The following TSC22D3 variants were observed in gnomAD, a reference collection of about 807,000 sequenced individuals.
The protein encoded by TSC22D3 is TSC22 domain family member 3.
In TSC22D3, 4 loss-of-function variants were observed where a neutral mutation model predicts 11.1. That is an observed-to-expected ratio of 0.36 (90% CI 0.18 to 0.83). The LOEUF (loss-of-function observed/expected upper bound fraction) is 0.83, where lower values mean the gene tolerates loss of function less well. TSC22D3 is among the 40% of genes least tolerant of loss of function. The pLI, the probability that TSC22D3 is intolerant of heterozygous loss-of-function variation, is 0.48. For missense variants in TSC22D3, 118 were observed against 159.4 expected (o/e 0.74, Z 1.40); for synonymous variants, 77 against 70.3 (o/e 1.10, Z -0.48).
intron 1 of TSC22D3, 139 bp from the exon 2 acceptor site, chrX:107,716,089 A>G (rs911005015): frequency 2.7e-6 from 2 of 742,775 alleles, no homozygotes; most frequent in South Asian, 5.3e-5. Context: ...AGAGTTCCGG[A>G]CAGTTTGTCC....
intron 1 of TSC22D3, among the ~76,000 whole-genome samples, chrX:107,743,021 C>T (rs190352228): frequency 8.9e-6 from 1 of 111,740 alleles, no homozygotes; most frequent in Non-Finnish European, 1.9e-5. Context: ...GTGGGAAACA[C>T]GAGCAGAAGC....
At chrX:107,736,690 G>A (rs185950623) in intron 1 of TSC22D3, among the ~76,000 whole-genome samples, 34 of 110,914 alleles carry the variant, frequency 3.1e-4, no homozygotes, top group South Asian at 3.9e-4. Context: ...GTCTGTGCTC[G>A]ATTTTTATGG....
intron 1 of TSC22D3, among the ~76,000 whole-genome samples, chrX:107,742,781 C>T (rs1687599518): frequency 8.9e-6 from 1 of 111,912 alleles, no homozygotes; most frequent in Admixed American, 9.3e-5. Flanking sequence ...GACAGTTTAA[C>T]CAGCCCACGC....
At chrX:107,727,978 A>G (rs1049319504) in intron 1 of TSC22D3, among the ~76,000 whole-genome samples, 4 of 111,957 alleles carry the variant, frequency 3.6e-5, no homozygotes, top group Non-Finnish European at 7.5e-5. Flanking sequence ...GACTGAAGGC[A>G]CAGTCAGACA....
At chrX:107,733,099 C>CAA (rs11313485) in intron 1 of TSC22D3, among the ~76,000 whole-genome samples, 8 of 54,652 alleles carry the variant, frequency 1.5e-4, no homozygotes, top group Non-Finnish European at 1.6e-4. Context: ...GACCCTGTCT[C>CAA]AAAAAAAAAA....
intron 1 of TSC22D3, among the ~76,000 whole-genome samples, chrX:107,735,725 G>GC (rs773451538): frequency 6.5e-5 from 6 of 92,642 alleles, no homozygotes; most frequent in South Asian, 1.0e-3. Context: ...CTCAGCACCC[G>GC]CCCCCCCAGC....
At chrX:107,755,409 C>T (rs1929129227) in intron 1 of TSC22D3, among the ~76,000 whole-genome samples, 1 of 112,114 alleles carries the variant, frequency 8.9e-6, no homozygotes, top group African/African-American at 3.2e-5. Context: ...ACACACAAGG[C>T]TCCTGAGGTG....
At chrX:107,720,459 C>T (rs1307437121) in intron 1 of TSC22D3, among the ~76,000 whole-genome samples, 2 of 112,011 alleles carry the variant, frequency 1.8e-5, no homozygotes, top group African/African-American at 3.2e-5. Context: ...CAGGAGGCTG[C>T]GGTGGGCAGA....
intron 1 of TSC22D3, among the ~76,000 whole-genome samples, chrX:107,745,760 A>G (rs915512467): frequency 8.9e-6 from 1 of 112,262 alleles, no homozygotes; most frequent in Non-Finnish European, 1.9e-5. Context: ...TTGCACTTCA[A>G]TTGTCAGCTC....
intron 1 of TSC22D3, among the ~76,000 whole-genome samples, chrX:107,737,457 C>A (rs896823247): frequency 8.9e-6 from 1 of 111,895 alleles, no homozygotes; most frequent in African/African-American, 3.3e-5. Context: ...TGGGAAGTGT[C>A]TGAGGCTCTC....
chrX:107,752,288 C>A (rs1928967611), intron 1 of TSC22D3, among the ~76,000 whole-genome samples: 1 of 112,032 alleles, frequency 8.9e-6, no homozygotes, highest in African/African-American at 3.3e-5. Context: ...ACAAGGGAGA[C>A]ACAATCTCCT....
intron 1 of TSC22D3, among the ~76,000 whole-genome samples, chrX:107,750,835 G>A (rs1928904032): frequency 8.9e-6 from 1 of 111,765 alleles, no homozygotes. Flanking sequence ...ACGGCACAGT[G>A]TCAGGGATTT....
In TSC22D3 at chrX:107,755,024, G is replaced by A. The variant is rs186938631; in HGVS notation, c.320+20076C>T. The stretch of plus-strand genomic sequence containing the variant: ...ATTTGGGTGACTGGCTAAGGGCAAA[G>A]GTTTTCATGCCACAATCTCAGCTGT... On this transcript the variant is annotated intron_variant, in intron 1 of 2. Coordinates refer to ENST00000372383, the MANE Select transcript of TSC22D3 (RefSeq NM_198057.3). 5.4e-5 allele frequency among the ~76,000 whole-genome samples: 6 copies of A among 111,844 alleles called. No homozygotes were observed. The East Asian group carries it at 1.7e-3, about 31-fold the overall frequency.
At chrX:107,715,980 T>TA (rs1421176284) in intron 1 of TSC22D3, 30 bp from the exon 2 acceptor site, 1 of 1,204,261 alleles carries the variant, frequency 8.3e-7, no homozygotes, top group African/African-American at 1.8e-5. Flanking sequence ...AGCGACCCAT[T>TA]ACCCACTCGG....
At chrX:107,763,660 G>C (rs1215935971) in intron 1 of TSC22D3, among the ~76,000 whole-genome samples, 1 of 111,527 alleles carries the variant, frequency 9.0e-6, no homozygotes, top group Non-Finnish European at 1.9e-5. Context: ...AACTCAGAAG[G>C]AAGCCCGCAA....
intron 1 of TSC22D3, among the ~76,000 whole-genome samples, chrX:107,764,325 G>A (rs1648217161): frequency 8.9e-6 from 1 of 112,277 alleles, no homozygotes; most frequent in Admixed American, 9.4e-5. Flanking sequence ...ATTGACTGAA[G>A]GTATTCATGA....
At chrX:107,717,786 G>T (rs1927127339) in intron 1 of TSC22D3, among the ~76,000 whole-genome samples, 1 of 112,213 alleles carries the variant, frequency 8.9e-6, no homozygotes, top group Non-Finnish European at 1.9e-5. Context: ...AGCTAGGTGG[G>T]TGACAGAGGA....
At chrX:107,770,948 G>A (rs1048889734) in intron 1 of TSC22D3, among the ~76,000 whole-genome samples, 7 of 112,206 alleles carry the variant, frequency 6.2e-5, no homozygotes, top group Non-Finnish European at 1.1e-4. Context: ...CAAGGGGGAA[G>A]TCCCCTAACA....
At position 107,714,564 on chromosome X, in the gene TSC22D3, G is replaced by A. The variant is rs143371739; in HGVS notation, c.558C>T (p.Pro186=). Residue 186 remains proline, a synonymous_variant, in exon 3 of 3, where the codon CCC becomes CCT. Transcript: ENST00000372383. The part of the protein sequence containing the change: ...QSCLSPEEPA[P]ESPQVPEAPG... ...GGGCCTCGGGCACTTGTGGGGATTC[G>A]GGAGCTGGCTCTTCAGGGCTCAGAC... 6.9e-5 allele frequency: 83 copies of A among 1,209,554 alleles called. No individual in the cohort carries two copies. The highest frequency in any genetic ancestry group is 3.7e-4 in the Admixed American group (17 of 45,825).
Sources: gnomAD v4.1 joint callset for allele counts (sites outside exome capture counted in the v4.1 genomes callset) on GRCh38, gnomAD v4.1.1 for gene constraint, MANE v1.5 for transcripts, NCBI Gene and HGNC (gene_info 2026-07-23, HGNC 2026-07-21) for gene names.